Variants in CUEDC1 observed in about 807,000 individuals in gnomAD.
CUEDC1 encodes the protein CUE domain-containing protein 1.
Under a neutral mutation model 43.7 loss-of-function variants are expected in CUEDC1, and 30 were observed. The ratio of observed to expected loss-of-function variants is 0.69; its 90% CI spans 0.51 to 0.93. The LOEUF (loss-of-function observed/expected upper bound fraction) is 0.93. CUEDC1 is among the 40% of genes least tolerant of loss of function. The pLI is 0.00. For missense variants in CUEDC1, 486 were observed against 549.0 expected (o/e 0.89, Z 1.15); for synonymous variants, 223 against 223.6 (o/e 1.00, Z 0.02).
At chr17:57,872,996 G>C (rs1319656014) in intron 4 of CUEDC1, 141 bp from the exon 5 acceptor site, 1 of 772,896 alleles carries the variant, frequency 1.3e-6, no homozygotes, top group Non-Finnish European at 2.0e-6. Flanking sequence ...AATGGAACCT[G>C]GTTGCGAGCC....
Position 57,879,691 on chromosome 17 carries a change from T to A in CUEDC1, c.384A>T (p.Pro128=). 2 of 1,601,436 alleles carry A rather than the reference T, an allele frequency of 1.2e-6. No homozygotes were observed. The highest frequency in any genetic ancestry group is 2.2e-5 in the South Asian group (2 of 89,018). Residue 128 remains proline (P), a synonymous_variant, in exon 3 of 11, where the codon CCA becomes CCT. Transcript: ENST00000577830. The part of the protein sequence containing the change: ...LEPDSSDEEP[P]PVYSPPAYHM... ...GGTAGGCTGGCGGGGAGTACACAGG[T>A]GGGGGCTCTTCATCCGAGCTATCAG...
intron 2 of CUEDC1, 124 bp from the exon 3 acceptor site, chr17:57,879,862 G>C: frequency 2.0e-6 from 2 of 982,956 alleles, no homozygotes; most frequent in African/African-American, 3.4e-5. Flanking sequence ...GCTAGTGGGA[G>C]TGTAAATCGA....
Position 57,893,989 on chromosome 17 carries a change from G to C in CUEDC1, c.-315-8110C>G, listed in dbSNP as rs139441938. ...GGTGCCTGTAATTCCAGCTACTCGG[G>C]AGGCTGAGGCAGAGAATTGCTTGAA... On this transcript the variant is annotated intron_variant, in intron 1 of 10. Transcript: ENST00000577830. 2.1e-3 allele frequency among the ~76,000 whole-genome samples: 322 copies of C among 152,294 alleles called. 1 individual carries two copies. Among genetic ancestry groups the C allele is most frequent in the Middle Eastern group, 6.8e-3 (2 of 294 alleles).
chr17:57,930,376 G>A lies in CUEDC1; in HGVS notation c.-316+24849C>T, dbSNP rs771509573. 1.4e-4 allele frequency among the ~76,000 whole-genome samples: 21 copies of A among 152,226 alleles called. No homozygotes were observed. Among genetic ancestry groups the A allele is most frequent in the Admixed American group, 4.6e-4 (7 of 15,282 alleles). ...CTGGCTGTGAGGAGGCCAGAAGGTA[G>A]CCCTTACAAACACCTTTCCCCAACT... On this transcript the variant is annotated intron_variant, in intron 1 of 10. Transcript: ENST00000577830. The surrounding 1 kb of genome is among the most constrained non-coding windows in gnomAD (Gnocchi z 4.2).
chr17:57,913,992 T>C (rs540935364), intron 1 of CUEDC1, among the ~76,000 whole-genome samples: 1 of 152,292 alleles, frequency 6.6e-6, no homozygotes, highest in African/African-American at 2.4e-5. Context: ...ACCCTCTCTC[T>C]CCTCCACCAT....
chr17:57,931,321 GGA>G (rs1388305116), intron 1 of CUEDC1, among the ~76,000 whole-genome samples: 2 of 151,968 alleles, frequency 1.3e-5, no homozygotes, highest in East Asian at 3.9e-4. Context: ...AAAAAAAGAG[GGA>G]GAGGTACAAT....
rs1382996673 is a variant in CUEDC1 at position 57,954,651 on chromosome 17, GGGGACC to G, written c.-316+568_-316+573del. Among the ~76,000 whole-genome samples the G allele has an allele frequency of 6.6e-6, 1 of 152,202 alleles. No individual in the cohort carries two copies. Among genetic ancestry groups the G allele is most frequent in the African/African-American group, 2.4e-5 (1 of 41,538 alleles). On this transcript the variant is annotated intron_variant, in intron 1 of 10. Coordinates refer to ENST00000577830, the MANE Select transcript of CUEDC1 (RefSeq NM_001271875.2). This position sits in a 1 kb window ranked among gnomAD's most constrained non-coding sequence, Gnocchi z 4.3. ...GAGCTGACGGGAGATACAGCTCCCA[GGGGACC>G]GGGAGGGACCAAAAAAGGCTGAGCC...
At chr17:57,868,283 C>G (rs1438462070) in intron 7 of CUEDC1, 40 bp from the exon 8 acceptor site, 2 of 1,568,538 alleles carry the variant, frequency 1.3e-6, no homozygotes, top group South Asian at 2.2e-5. Flanking sequence ...TCTCAGCAGC[C>G]AGCACACCAG....
Position 57,934,968 on chromosome 17 carries a change from A to C in CUEDC1, c.-316+20257T>G, listed in dbSNP as rs968899116. ...GGTGATCCACCTGCCTCAGCCTCCC[A>C]AAGTGCTGGGATTACAGGCATGAGC... is the stretch of plus-strand genomic sequence containing the variant. On this transcript the variant is annotated intron_variant, in intron 1 of 10. Coordinates refer to ENST00000577830, the MANE Select transcript of CUEDC1 (RefSeq NM_001271875.2). 5.7e-4 allele frequency among the ~76,000 whole-genome samples: 87 copies of C among 152,078 alleles called. 1 individual carries two copies. The highest frequency in any genetic ancestry group is 2.3e-3 in the Admixed American group (35 of 15,274).
In CUEDC1 at chr17:57,907,794, C is replaced by T. The variant is rs140839897; in HGVS notation, c.-315-21915G>A. Reference sequence around the variant, plus strand: ...CCGGGAGGTGAAGCTTGCAGTGAGCCGAGATCACGCCACTGCACTCCAGCC... The same window carrying T: ...CCGGGAGGTGAAGCTTGCAGTGAGCTGAGATCACGCCACTGCACTCCAGCC... On this transcript the variant is annotated intron_variant, in intron 1 of 10. Coordinates refer to ENST00000577830, the MANE Select transcript of CUEDC1 (RefSeq NM_001271875.2). Among the ~76,000 whole-genome samples the T allele has an allele frequency of 2.3e-3, 332 of 146,296 alleles. 3 individuals carry two copies. Among genetic ancestry groups the T allele is most frequent in the African/African-American group, 7.9e-3 (311 of 39,474 alleles).
chr17:57,865,960 T>C (rs1200449482), intron 10 of CUEDC1, among the ~76,000 whole-genome samples: 1 of 152,086 alleles, frequency 6.6e-6, no homozygotes, highest in African/African-American at 2.4e-5. Flanking sequence ...GTAGCTGGGA[T>C]TACAGGCGCT....
intron 1 of CUEDC1, among the ~76,000 whole-genome samples, chr17:57,921,873 G>A (rs564033269): frequency 6.6e-6 from 1 of 152,278 alleles, no homozygotes; most frequent in South Asian, 2.1e-4. Context: ...AGCACTTTAG[G>A]AGGCCAAGAT....
At chr17:57,950,460 T>A (rs1598030711) in intron 1 of CUEDC1, among the ~76,000 whole-genome samples, 1 of 148,988 alleles carries the variant, frequency 6.7e-6, no homozygotes. Flanking sequence ...GCCTCTTTTT[T>A]ATTTTTTTAT....
chr17:57,938,914 A>T (rs185660840), intron 1 of CUEDC1, among the ~76,000 whole-genome samples: 1 of 148,052 alleles, frequency 6.8e-6, no homozygotes, highest in African/African-American at 2.5e-5. Flanking sequence ...TGCCTGCCTC[A>T]GCCTCCAAAA....
chr17:57,913,031 A>G (rs557157682), intron 1 of CUEDC1, among the ~76,000 whole-genome samples: 1 of 152,286 alleles, frequency 6.6e-6, no homozygotes, highest in East Asian at 1.9e-4. Flanking sequence ...AAATTTTTGT[A>G]GAAACTGGGT....
chr17:57,929,004 C>T (rs2074777216), intron 1 of CUEDC1, among the ~76,000 whole-genome samples: 1 of 144,896 alleles, frequency 6.9e-6, no homozygotes, highest in Admixed American at 6.9e-5. Context: ...AATTAGCAGG[C>T]GGGGAAAAAA....
At chr17:57,943,180 C>A (rs2074932093) in intron 1 of CUEDC1, among the ~76,000 whole-genome samples, 1 of 152,192 alleles carries the variant, frequency 6.6e-6, no homozygotes. Context: ...GTGGCAGTGA[C>A]CGGAAGCTGG....
At chr17:57,915,459 T>C (rs1282114487) in intron 1 of CUEDC1, among the ~76,000 whole-genome samples, 4 of 151,978 alleles carry the variant, frequency 2.6e-5, no homozygotes, top group Non-Finnish European at 5.9e-5. Context: ...GGCATAGCGT[T>C]CAGATATTAA....
chr17:57,912,808 G>C (rs575893852), intron 1 of CUEDC1, among the ~76,000 whole-genome samples: 2 of 152,170 alleles, frequency 1.3e-5, no homozygotes, highest in East Asian at 3.8e-4. Flanking sequence ...CTCAACTAGA[G>C]GGGTGCATCA....
Sources: allele counts gnomAD v4.1 joint callset (sites outside exome capture counted in the v4.1 genomes callset), GRCh38; gene constraint gnomAD v4.1.1; non-coding constraint Gnocchi (gnomAD v3.1); transcripts MANE v1.5; gene names NCBI Gene and HGNC (gene_info 2026-07-23, HGNC 2026-07-21).